Variants in CSMD3 observed in about 807,000 individuals in gnomAD.
CSMD3 encodes CUB and sushi domain-containing protein 3.
A neutral mutation model predicts 435.2 loss-of-function variants in CSMD3; 177 were observed. That is an observed-to-expected ratio of 0.41 (90% CI 0.36 to 0.46). The LOEUF is 0.46. Ranked by LOEUF, CSMD3 falls within the 20% of genes least tolerant of loss-of-function variation. The pLI is 0.34. For synonymous variants in CSMD3, 1,656 were observed against 1,520.5 expected (o/e 1.09, Z -2.07); for missense variants, 4,265 against 4,504.6 (o/e 0.95, Z 1.52).
At chr8:112,757,774 C>T (rs1402181792) in intron 13 of CSMD3, among the ~76,000 whole-genome samples, 3 of 152,044 alleles carry the variant, frequency 2.0e-5, no homozygotes, top group Admixed American at 6.6e-5. Flanking sequence ...AATTTTTAGG[C>T]CAGGCATGGT....
chr8:112,785,704 A>T (rs1355945929), intron 13 of CSMD3, among the ~76,000 whole-genome samples: 1 of 152,092 alleles, frequency 6.6e-6, no homozygotes. Context: ...ATAAAATAAA[A>T]TACCTAGGAA....
chr8:112,529,627 C>T (rs994200640), intron 27 of CSMD3, among the ~76,000 whole-genome samples: 1 of 151,946 alleles, frequency 6.6e-6, no homozygotes, highest in Non-Finnish European at 1.5e-5. Flanking sequence ...TCTGTTTCTC[C>T]TTGTAAAGGG....
At chr8:112,740,361 C>G (rs1386295890) in intron 13 of CSMD3, among the ~76,000 whole-genome samples, 2 of 141,514 alleles carry the variant, frequency 1.4e-5, no homozygotes, top group Non-Finnish European at 3.1e-5. Flanking sequence ...AAGCTTTGAT[C>G]TTTTTTGTGT....
chr8:112,992,348 T>C (rs891963217), intron 6 of CSMD3, among the ~76,000 whole-genome samples: 2 of 151,650 alleles, frequency 1.3e-5, no homozygotes, highest in African/African-American at 2.4e-5. Context: ...AGGAAAGAGA[T>C]AGGAAAGAAA....
intron 11 of CSMD3, among the ~76,000 whole-genome samples, chr8:112,852,827 C>T (rs1403447727): frequency 2.0e-5 from 3 of 151,922 alleles, no homozygotes; most frequent in Non-Finnish European, 4.4e-5. Context: ...TAGGCTGAGG[C>T]AGGAGAAAGG....
chr8:112,664,113 C>T (rs2131696765), intron 17 of CSMD3, among the ~76,000 whole-genome samples: 1 of 152,096 alleles, frequency 6.6e-6, no homozygotes, highest in East Asian at 1.9e-4. Context: ...ACCGTTGCAC[C>T]TCCTGATACA....
intron 13 of CSMD3, among the ~76,000 whole-genome samples, chr8:112,693,781 T>C (rs1292557034): frequency 1.3e-5 from 2 of 151,966 alleles, no homozygotes; most frequent in Non-Finnish European, 2.9e-5. Flanking sequence ...ATATTGAATG[T>C]TGAAAATTAG....
chr8:112,623,239 A>C lies in CSMD3; in HGVS notation c.3715+13578T>G, dbSNP rs1306749305. On this transcript the variant is annotated intron_variant, in intron 22 of 70. Transcript: ENST00000297405. ...AGCTGCAAAAAAGCCACTTAAGCCC[A>C]AAACAGATTTGTAGACACATCAGTT... Among the ~76,000 whole-genome samples, 3 of 152,154 alleles carry C rather than the reference A, an allele frequency of 2.0e-5. No individual in the cohort carries two copies. The East Asian group carries it at 5.8e-4, about 29-fold the overall frequency.
At chr8:113,010,875 C>A (rs1012055872) in intron 6 of CSMD3, among the ~76,000 whole-genome samples, 2 of 151,342 alleles carry the variant, frequency 1.3e-5, no homozygotes, top group African/African-American at 4.8e-5. Context: ...TAATCCAACT[C>A]CCTAGAAAAA....
intron 1 of CSMD3, among the ~76,000 whole-genome samples, chr8:113,381,606 C>T (rs1330473902): frequency 6.6e-6 from 1 of 151,924 alleles, no homozygotes; most frequent in East Asian, 1.9e-4. Flanking sequence ...ACTTTAATGC[C>T]CATGGTATGG....
rs2076645883 is a variant in CSMD3 at position 112,713,106 on chromosome 8, A to G, written c.1973-23056T>C. On this transcript the variant is annotated intron_variant, in intron 13 of 70. Coordinates refer to ENST00000297405, the MANE Select transcript of CSMD3 (RefSeq NM_198123.2). ...TGGCATGACCAACAGAGAGAAAGGA[A>G]GAGCAGTGTGGTGCAGCAGCCCACC... 3.3e-5 allele frequency among the ~76,000 whole-genome samples: 5 copies of G among 152,224 alleles called. No individual in the cohort carries two copies. In the South Asian group the frequency reaches 1.0e-3, roughly 32 times the overall value.
chr8:113,245,608 T>C (rs987662227), intron 3 of CSMD3, among the ~76,000 whole-genome samples: 1 of 151,958 alleles, frequency 6.6e-6, no homozygotes, highest in Non-Finnish European at 1.5e-5. Context: ...ATTAACAGAG[T>C]TTCTTAATTA....
At position 113,145,427 on chromosome 8, in the gene CSMD3, C is replaced by T. The variant is rs531672065; in HGVS notation, c.709+28295G>A. On this transcript the variant is annotated intron_variant, in intron 4 of 70. Coordinates refer to ENST00000297405, the MANE Select transcript of CSMD3 (RefSeq NM_198123.2). ...ACAAGGGCTTATGAAATCACATGGGCCTATTTTCAACTGTCACAATTCTCT... is the reference window on the plus strand; with the variant it reads ...ACAAGGGCTTATGAAATCACATGGGTCTATTTTCAACTGTCACAATTCTCT... Among the ~76,000 whole-genome samples, 10 of 151,614 alleles carry T rather than the reference C, an allele frequency of 6.6e-5. No homozygotes were observed. In the East Asian group the frequency reaches 1.2e-3, roughly 18 times the overall value.
intron 5 of CSMD3, among the ~76,000 whole-genome samples, chr8:113,083,109 T>C (rs1425157403): frequency 1.3e-5 from 2 of 152,062 alleles, no homozygotes; most frequent in African/African-American, 4.8e-5. Flanking sequence ...CCCAAACTGA[T>C]TAAAGTGATA....
At chr8:112,320,048 A>T in intron 45 of CSMD3, 67 bp from the exon 46 acceptor site, 3 of 1,005,346 alleles carry the variant, frequency 3.0e-6, no homozygotes, top group Non-Finnish European at 3.1e-6. Flanking sequence ...ATGCAAAAAA[A>T]CAAGAAAATT....
At chr8:113,363,405 T>C (rs1447179566) in intron 1 of CSMD3, among the ~76,000 whole-genome samples, 2 of 152,326 alleles carry the variant, frequency 1.3e-5, no homozygotes, top group South Asian at 2.1e-4. Flanking sequence ...TAGTTTCTGG[T>C]TGCAGCTGTA....
At chr8:112,591,719 A>G (rs1021021414) in intron 22 of CSMD3, among the ~76,000 whole-genome samples, 3 of 152,052 alleles carry the variant, frequency 2.0e-5, no homozygotes, top group Non-Finnish European at 2.9e-5. Context: ...ATTTTTCCAT[A>G]TGTTTAATTA....
chr8:113,074,521 T>C (rs1387337665), intron 5 of CSMD3, among the ~76,000 whole-genome samples: 1 of 151,870 alleles, frequency 6.6e-6, no homozygotes, highest in African/African-American at 2.4e-5. Flanking sequence ...GAAATTAGAA[T>C]GTAAATTTTT....
At chr8:113,397,640 C>T (rs949447357) in intron 1 of CSMD3, among the ~76,000 whole-genome samples, 2 of 151,802 alleles carry the variant, frequency 1.3e-5, no homozygotes, top group South Asian at 2.1e-4. Flanking sequence ...CACGGTGAAA[C>T]CCCGTCTCTA....
Sources: gnomAD v4.1 joint callset for allele counts (sites outside exome capture counted in the v4.1 genomes callset) on GRCh38, gnomAD v4.1.1 for gene constraint, MANE v1.5 for transcripts, NCBI Gene and HGNC (gene_info 2026-07-23, HGNC 2026-07-21) for gene names.